VOPP1: variants seen among roughly 807,000 people sequenced by gnomAD.
The protein encoded by VOPP1 is WW domain binding protein VOPP1.
In VOPP1, 8 loss-of-function variants were observed where a neutral mutation model predicts 23.5. The observed-to-expected ratio is 0.34, with a 90% confidence interval of 0.20 to 0.61. The LOEUF (loss-of-function observed/expected upper bound fraction) is 0.61, where lower values mean the gene tolerates loss of function less well. Ranked by LOEUF, VOPP1 falls within the 20% of genes least tolerant of loss-of-function variation. The pLI, the probability that VOPP1 is intolerant of heterozygous loss-of-function variation, is 0.78. For missense variants in VOPP1, 174 were observed against 238.1 expected, an observed-to-expected ratio of 0.73 and a Z score of 1.77; for synonymous variants, 83 against 97.3, an observed-to-expected ratio of 0.85 and a Z score of 0.86.
intron 4 of VOPP1, among the ~76,000 whole-genome samples, chr7:55,475,566 G>C (rs764697945): frequency 4.6e-5 from 7 of 152,204 alleles, no homozygotes; most frequent in Non-Finnish European, 7.3e-5. Context: ...ACTGGTGCAG[G>C]ATTCGGTGTG....
At chr7:55,540,781 G>A (rs907134883) in intron 1 of VOPP1, among the ~76,000 whole-genome samples, 20 of 152,274 alleles carry the variant, frequency 1.3e-4, no homozygotes, top group African/African-American at 3.9e-4. Context: ...TGAATTCACC[G>A]CCAAGACAAC....
intron 1 of VOPP1, among the ~76,000 whole-genome samples, chr7:55,534,394 C>T (rs1422938715): frequency 6.6e-6 from 1 of 152,210 alleles, no homozygotes; most frequent in African/African-American, 2.4e-5. Context: ...GGCCAATTCT[C>T]ACTTCCCCTG....
chr7:55,486,566 G>C (rs1334839661), intron 4 of VOPP1, among the ~76,000 whole-genome samples: 1 of 152,114 alleles, frequency 6.6e-6, no homozygotes, highest in Non-Finnish European at 1.5e-5. Flanking sequence ...TGCTGGTGAG[G>C]AGGCCCGCCA....
At chr7:55,518,197 A>G (rs1342259976) in intron 2 of VOPP1, among the ~76,000 whole-genome samples, 2 of 152,170 alleles carry the variant, frequency 1.3e-5, no homozygotes, top group African/African-American at 2.4e-5. Context: ...AGCAGCTGAC[A>G]ATGTCACAGA....
chr7:55,462,619 T>C (rs1268799957), intron 4 of VOPP1, among the ~76,000 whole-genome samples: 2 of 151,800 alleles, frequency 1.3e-5, no homozygotes, highest in Non-Finnish European at 2.9e-5. Flanking sequence ...TTCTTTCTTC[T>C]GCTTGGTCTA....
At chr7:55,496,658 G>A (rs867980621) in intron 3 of VOPP1, among the ~76,000 whole-genome samples, 3 of 152,282 alleles carry the variant, frequency 2.0e-5, no homozygotes, top group Non-Finnish European at 2.9e-5. Context: ...CCCAACACGT[G>A]GAGTCCCCAC....
chr7:55,448,513 A>T (rs1227721969), intron 4 of VOPP1, among the ~76,000 whole-genome samples: 1 of 152,036 alleles, frequency 6.6e-6, no homozygotes, highest in Admixed American at 6.6e-5. Context: ...GGGCACCACA[A>T]TAAAGGTTGA....
chr7:55,482,482 A>ATTTTTTTTTTTTTTT (rs71031859), intron 4 of VOPP1, among the ~76,000 whole-genome samples: 1 of 132,832 alleles, frequency 7.5e-6, no homozygotes, highest in African/African-American at 2.9e-5. Context: ...CACCTGGCTA[A>ATTTTTTTTTTTTTTT]TTTTTTTTTT....
chr7:55,531,652 A>G (rs2129046800), intron 1 of VOPP1, among the ~76,000 whole-genome samples: 1 of 152,276 alleles, frequency 6.6e-6, no homozygotes, highest in Middle Eastern at 3.4e-3. Flanking sequence ...GCGCCCAGAA[A>G]AAGTCATCTT....
At chr7:55,477,434 C>A (rs915390628) in intron 4 of VOPP1, among the ~76,000 whole-genome samples, 7 of 152,234 alleles carry the variant, frequency 4.6e-5, no homozygotes, top group Admixed American at 2.0e-4. Flanking sequence ...TCCTGAGACA[C>A]ACCTGTTTCT....
chr7:55,438,236 G>A (rs571232843), intron 4 of VOPP1, among the ~76,000 whole-genome samples: 1 of 152,096 alleles, frequency 6.6e-6, no homozygotes, highest in East Asian at 1.9e-4. Context: ...TCTCTCCGAG[G>A]ATGTTAATTT....
At chr7:55,526,515 G>A (rs898469440) in intron 1 of VOPP1, among the ~76,000 whole-genome samples, 10 of 152,160 alleles carry the variant, frequency 6.6e-5, no homozygotes, top group Non-Finnish European at 7.3e-5. Flanking sequence ...AAACAGAGCC[G>A]CACCACAGGC....
At chr7:55,564,058 T>C (rs962118817) in intron 1 of VOPP1, among the ~76,000 whole-genome samples, 7 of 152,014 alleles carry the variant, frequency 4.6e-5, no homozygotes, top group African/African-American at 1.7e-4. Flanking sequence ...GTTGCAGAGA[T>C]TTAATCTAAG....
At chr7:55,468,542 T>C (rs1791693465), downstream of VOPP1, among the ~76,000 whole-genome samples, 2 of 152,160 alleles carry the variant, frequency 1.3e-5, no homozygotes, top group Non-Finnish European at 2.9e-5. Flanking sequence ...TGGTTACTGG[T>C]GGCAGACACA....
chr7:55,537,163 C>T (rs997593483), intron 1 of VOPP1, among the ~76,000 whole-genome samples: 3 of 152,182 alleles, frequency 2.0e-5, no homozygotes, highest in Admixed American at 1.3e-4. Flanking sequence ...TCTGCCCCTC[C>T]GTCCCGGCAG....
At chr7:55,500,983 G>A (rs1192028010) in intron 2 of VOPP1, among the ~76,000 whole-genome samples, 1 of 152,136 alleles carries the variant, frequency 6.6e-6, no homozygotes, top group African/African-American at 2.4e-5. Context: ...TTTATAACCT[G>A]CTGTGGAAAT....
intron 4 of VOPP1, among the ~76,000 whole-genome samples, chr7:55,450,955 A>C (rs1791228137): frequency 6.6e-6 from 1 of 152,256 alleles, no homozygotes; most frequent in Non-Finnish European, 1.5e-5. Context: ...AAACAGACCA[A>C]GCCACGTTGC....
intron 4 of VOPP1, among the ~76,000 whole-genome samples, chr7:55,457,399 C>G (rs1005896526): frequency 3.9e-5 from 6 of 152,104 alleles, no homozygotes; most frequent in African/African-American, 9.7e-5. Flanking sequence ...CGTATGTTGG[C>G]TATTGTGAAT....
intron 1 of VOPP1, among the ~76,000 whole-genome samples, chr7:55,530,627 T>C (rs576727467): frequency 3.9e-5 from 6 of 152,346 alleles, no homozygotes; most frequent in African/African-American, 1.4e-4. Context: ...TGAAGTTTTC[T>C]GTGTCATCAT....
Sources: gnomAD v4.1 joint callset for allele counts (sites outside exome capture counted in the v4.1 genomes callset) on GRCh38, gnomAD v4.1.1 for gene constraint, MANE v1.5 for transcripts, NCBI Gene and HGNC (gene_info 2026-07-23, HGNC 2026-07-21) for gene names.